The following TYW1B variants were observed in gnomAD, a reference collection of about 807,000 sequenced individuals.
The protein encoded by TYW1B is S-adenosyl-L-methionine-dependent tRNA 4-demethylwyosine synthase TYW1B.
TYW1B carries 73 observed loss-of-function variants against 86.9 expected under a neutral mutation model. The observed-to-expected ratio is 0.84, with a 90% CI of 0.70 to 1.02. The LOEUF (loss-of-function observed/expected upper bound fraction) is 1.02, where lower values mean the gene tolerates loss of function less well. Ranked by LOEUF, TYW1B falls within the 50% of genes least tolerant of loss-of-function variation. The pLI, the probability that TYW1B is intolerant of heterozygous loss-of-function variation, is 0.00. For synonymous variants in TYW1B, 248 were observed against 292.8 expected, an observed-to-expected ratio of 0.85 and a Z score of 1.56; for missense variants, 637 against 827.4, an observed-to-expected ratio of 0.77 and a Z score of 2.82.
chr7:72,767,732 T>C (rs1269853380), intron 7 of TYW1B, among the ~76,000 whole-genome samples: 1 of 152,220 alleles, frequency 6.6e-6, no homozygotes, highest in Non-Finnish European at 1.5e-5. Flanking sequence ...CAGTTTACTG[T>C]GGCTTGCATA....
chr7:72,743,851 A>AC (rs1207038486), intron 8 of TYW1B, among the ~76,000 whole-genome samples: 6 of 151,778 alleles, frequency 4.0e-5, no homozygotes, highest in Non-Finnish European at 7.4e-5. Flanking sequence ...TCTCAAAAAA[A>AC]AAAAAAAAGA....
chr7:72,719,544 T>C lies in TYW1B; in HGVS notation c.1193-5746A>G, dbSNP rs1406238699. ...TATTCGGGAGGCTGAGCCAGGAGAA[T>C]TGCTTGAACCCAGGAGGCGGAGGTT... On this transcript the variant is annotated intron_variant, in intron 9 of 13. Transcript: ENST00000620995. 2.0e-5 allele frequency among the ~76,000 whole-genome samples: 3 copies of C among 149,186 alleles called. 1 individual carries two copies. Among genetic ancestry groups the C allele is most frequent in the Admixed American group, 1.4e-4 (2 of 14,800 alleles).
chr7:72,750,942 AG>A (rs1554464952), intron 7 of TYW1B, among the ~76,000 whole-genome samples: 1 of 152,190 alleles, frequency 6.6e-6, no homozygotes, highest in East Asian at 1.9e-4. Context: ...TGTTTAAATT[AG>A]GGATACTCAG....
intron 6 of TYW1B, among the ~76,000 whole-genome samples, chr7:72,796,868 A>C (rs1788313877): frequency 7.5e-6 from 1 of 133,806 alleles, no homozygotes; most frequent in Non-Finnish European, 1.6e-5. Context: ...ACAATGGTGC[A>C]ATCTCGGCTC....
chr7:72,757,777 A>C (rs1787617855), intron 7 of TYW1B, among the ~76,000 whole-genome samples: 1 of 152,208 alleles, frequency 6.6e-6, no homozygotes, highest in Non-Finnish European at 1.5e-5. Flanking sequence ...ACCTTGAACA[A>C]AGGCCATCAC....
At chr7:72,664,755 T>A (rs1415203476) in intron 11 of TYW1B, among the ~76,000 whole-genome samples, 3 of 150,010 alleles carry the variant, frequency 2.0e-5, no homozygotes, top group Non-Finnish European at 1.5e-5. Flanking sequence ...CTTAAGAGTT[T>A]AAAAAAAAAA....
intron 13 of TYW1B, among the ~76,000 whole-genome samples, chr7:72,611,062 G>A (rs1554435822): frequency 2.0e-5 from 3 of 152,074 alleles, no homozygotes; most frequent in Non-Finnish European, 2.9e-5. Context: ...AATGTGCCAT[G>A]TCTCCGTGCT....
chr7:72,592,370 T>C (rs529287558), intron 13 of TYW1B, among the ~76,000 whole-genome samples: 2 of 152,098 alleles, frequency 1.3e-5, no homozygotes, highest in Admixed American at 6.6e-5. Flanking sequence ...GCAATGTCCA[T>C]TGTAAGCACA....
intron 13 of TYW1B, among the ~76,000 whole-genome samples, chr7:72,602,312 G>A (rs1234259860): frequency 2.0e-5 from 3 of 152,144 alleles, no homozygotes; most frequent in African/African-American, 4.8e-5. Flanking sequence ...CTGAGGGTGG[G>A]AGCCAGGTCT....
intron 2 of TYW1B, among the ~76,000 whole-genome samples, chr7:72,817,876 G>A (rs1788754290): frequency 6.6e-6 from 1 of 152,040 alleles, no homozygotes; most frequent in South Asian, 2.1e-4. Context: ...CCAATCAGAG[G>A]CTGCAGTGGA....
At chr7:72,783,223 A>G (rs1445697972) in intron 6 of TYW1B, among the ~76,000 whole-genome samples, 1 of 151,686 alleles carries the variant, frequency 6.6e-6, no homozygotes, top group African/African-American at 2.4e-5. Context: ...ACATGATGAA[A>G]CCCATCTCTT....
chr7:72,612,761 T>A (rs1457448723), intron 13 of TYW1B, among the ~76,000 whole-genome samples: 18 of 152,062 alleles, frequency 1.2e-4, no homozygotes, highest in Admixed American at 1.0e-3. Context: ...TTTATTTATT[T>A]TTTTTTTTGA....
At chr7:72,757,644 C>T (rs1461717017) in intron 7 of TYW1B, among the ~76,000 whole-genome samples, 2 of 152,104 alleles carry the variant, frequency 1.3e-5, no homozygotes, top group African/African-American at 4.8e-5. Context: ...ATGAAGTTAT[C>T]AGAATCAATA....
chr7:72,749,998 TC>T (rs1463251159), intron 7 of TYW1B, among the ~76,000 whole-genome samples: 2 of 17,088 alleles, frequency 1.2e-4, no homozygotes, highest in East Asian at 1.1e-3. Flanking sequence ...CAAATGATCC[TC>T]CCTCACAGCC....
At chr7:72,652,679 A>G (rs542997463) in intron 11 of TYW1B, among the ~76,000 whole-genome samples, 2 of 152,134 alleles carry the variant, frequency 1.3e-5, no homozygotes, top group East Asian at 3.8e-4. Context: ...GTGATATAGT[A>G]TACTGTAAAA....
intron 7 of TYW1B, among the ~76,000 whole-genome samples, chr7:72,773,450 G>A (rs1215694630): frequency 1.3e-5 from 2 of 152,146 alleles, no homozygotes; most frequent in African/African-American, 4.8e-5. Context: ...CATTACCTCA[G>A]CTTACTGTCT....
intron 4 of TYW1B, among the ~76,000 whole-genome samples, chr7:72,809,144 G>A (rs1350831649): frequency 6.0e-5 from 9 of 149,280 alleles, no homozygotes; most frequent in African/African-American, 2.2e-4. Context: ...CCAAGTTCAC[G>A]CCATTCTCCT....
At chr7:72,667,578 G>A (rs1178305331) in intron 11 of TYW1B, among the ~76,000 whole-genome samples, 1 of 152,138 alleles carries the variant, frequency 6.6e-6, no homozygotes, top group Non-Finnish European at 1.5e-5. Flanking sequence ...GCCAGGTGTG[G>A]TGACACAGGC....
intron 6 of TYW1B, among the ~76,000 whole-genome samples, chr7:72,790,328 T>C (rs1361108640): frequency 2.0e-5 from 3 of 152,074 alleles, no homozygotes; most frequent in Non-Finnish European, 2.9e-5. Flanking sequence ...GGCGGACCCA[T>C]AGGGCAATGT....
Sources: allele counts gnomAD v4.1 joint callset (sites outside exome capture counted in the v4.1 genomes callset), GRCh38; gene constraint gnomAD v4.1.1; transcripts MANE v1.5; gene names NCBI Gene and HGNC (gene_info 2026-07-23, HGNC 2026-07-21).